The following TENM3 variants were observed in gnomAD, a reference collection of about 807,000 sequenced individuals.
TENM3 encodes the protein teneurin transmembrane protein 3.
A neutral mutation model predicts 255.1 loss-of-function variants in TENM3; 63 were observed. The observed-to-expected ratio is 0.25, with a 90% CI of 0.20 to 0.30. The LOEUF (loss-of-function observed/expected upper bound fraction) is 0.30, where lower values mean the gene tolerates loss of function less well. TENM3 is among the 10% of genes least tolerant of loss of function. TENM3 has a pLI of 1.00. For synonymous variants in TENM3, 1,306 were observed against 1,322.3 expected, an observed-to-expected ratio of 0.99 and a Z score of 0.27; for missense variants, 2,929 against 3,461.1, an observed-to-expected ratio of 0.85 and a Z score of 3.86.
intron 1 of TENM3, among the ~76,000 whole-genome samples, chr4:182,223,440 A>G (rs1034110604): frequency 2.6e-5 from 4 of 152,200 alleles, no homozygotes; most frequent in African/African-American, 9.7e-5. Flanking sequence ...GACAAGAACC[A>G]TTCGGCCTAT....
the TENM3 span, among the ~76,000 whole-genome samples, chr4:181,548,608 C>A: frequency 2.6e-5 from 4 of 152,208 alleles, no homozygotes; most frequent in African/African-American, 9.6e-5. Flanking sequence ...CCTCAGGAAG[C>A]TTTTTGATGA....
At chr4:182,608,724 G>C (rs539472589) in intron 4 of TENM3, among the ~76,000 whole-genome samples, 1 of 152,214 alleles carries the variant, frequency 6.6e-6, no homozygotes. Flanking sequence ...CTAGGACCCA[G>C]CACTGGCTTT....
the TENM3 span, among the ~76,000 whole-genome samples, chr4:181,622,875 A>T: frequency 6.6e-6 from 1 of 152,132 alleles, no homozygotes; most frequent in Non-Finnish European, 1.5e-5. Context: ...TGAAGTCATT[A>T]TGCCTCTAAC....
chr4:181,897,794 C>A, the TENM3 span, among the ~76,000 whole-genome samples: 1 of 152,198 alleles, frequency 6.6e-6, no homozygotes, highest in African/African-American at 2.4e-5. Flanking sequence ...TTAATGTTGG[C>A]ATCTTCTAAT....
At chr4:181,513,817 T>C in the TENM3 span, among the ~76,000 whole-genome samples, 4 of 152,176 alleles carry the variant, frequency 2.6e-5, no homozygotes, top group Admixed American at 2.6e-4. Context: ...TTCATACCGT[T>C]TAAACACATC....
At chr4:181,804,848 G>A in the TENM3 span, among the ~76,000 whole-genome samples, 3 of 151,992 alleles carry the variant, frequency 2.0e-5, no homozygotes, top group African/African-American at 7.3e-5. Context: ...CTGTCTTTCT[G>A]GAGGAAAAAA....
intron 3 of TENM3, among the ~76,000 whole-genome samples, chr4:182,593,584 CATGGAG>C (rs1456448074): frequency 6.6e-6 from 1 of 152,140 alleles, no homozygotes; most frequent in East Asian, 1.9e-4. Context: ...AGCCAGGCCA[CATGGAG>C]ATCCAGGGAA....
intron 22 of TENM3, among the ~76,000 whole-genome samples, chr4:182,757,104 A>G (rs1306146157): frequency 1.3e-5 from 2 of 152,006 alleles, no homozygotes; most frequent in Non-Finnish European, 2.9e-5. Flanking sequence ...CGAGGTCAGG[A>G]GATCAAGACC....
the TENM3 span, among the ~76,000 whole-genome samples, chr4:181,916,818 A>G: frequency 6.6e-6 from 1 of 152,158 alleles, no homozygotes; most frequent in Non-Finnish European, 1.5e-5. Flanking sequence ...CAGAGGTTGC[A>G]GTGGCCGGGA....
the TENM3 span, among the ~76,000 whole-genome samples, chr4:182,132,189 T>G: frequency 7.9e-5 from 12 of 152,162 alleles, no homozygotes; most frequent in Non-Finnish European, 1.8e-4. Flanking sequence ...AATTATAAAA[T>G]GGGTTATAGG....
chr4:181,538,837 A>C, the TENM3 span, among the ~76,000 whole-genome samples: 28,046 of 152,126 alleles, frequency 0.18, 3,535 homozygotes, highest in Admixed American at 0.33. Context: ...TTGAATAATT[A>C]CTTCTTTCTT....
the TENM3 span, among the ~76,000 whole-genome samples, chr4:181,832,082 C>T: frequency 6.7e-5 from 10 of 148,600 alleles, no homozygotes; most frequent in South Asian, 2.2e-3. Flanking sequence ...TTCGGAGGAA[C>T]AATAGGAAGC....
chr4:182,616,212 A>T (rs1473681069), intron 4 of TENM3, among the ~76,000 whole-genome samples: 1 of 152,142 alleles, frequency 6.6e-6, no homozygotes. Flanking sequence ...GTCTTGTTGA[A>T]CTGTTTTCGT....
the TENM3 span, among the ~76,000 whole-genome samples, chr4:181,936,722 C>A: frequency 1.3e-5 from 2 of 151,856 alleles, no homozygotes; most frequent in Admixed American, 6.6e-5. Flanking sequence ...AAACGAAGAG[C>A]AGAGGACCTA....
At chr4:181,992,811 T>C in the TENM3 span, among the ~76,000 whole-genome samples, 1 of 152,150 alleles carries the variant, frequency 6.6e-6, no homozygotes, top group South Asian at 2.1e-4. Context: ...AATGCAAACC[T>C]GTTTTTTAAA....
At position 182,559,266 on chromosome 4, in the gene TENM3, A is replaced by G. The variant is rs570254511; in HGVS notation, c.512-41658A>G. 9.2e-5 allele frequency among the ~76,000 whole-genome samples: 14 copies of G among 152,040 alleles called. No homozygotes were observed. In the East Asian group the frequency reaches 1.9e-3, roughly 21 times the overall value. On this transcript the variant is annotated intron_variant, in intron 3 of 27. Transcript: ENST00000511685. ...ATTAATTAATCCTGAGAACAGTACAATGCTCAGGAGAGAATTATTTGAATT... is the reference window on the plus strand; with the variant it reads ...ATTAATTAATCCTGAGAACAGTACAGTGCTCAGGAGAGAATTATTTGAATT...
At position 182,600,951 on chromosome 4, in the gene TENM3, C is replaced by G. The variant is rs1465147111; in HGVS notation, c.539C>G (p.Ser180Cys). The change falls in exon 4 of 28, where the codon TCT (serine) becomes TGT (cysteine). Residue 180 changes from serine (S) to cysteine (C), a missense_variant. By Grantham distance (112) the Ser-to-Cys change is moderately radical (BLOSUM62 -1). Around this residue, in one of 6 missense-constraint regions of TENM3, gnomAD observed 283 missense variants for 256.9 expected, o/e 1.10. Coordinates refer to ENST00000511685, the MANE Select transcript of TENM3 (RefSeq NM_001080477.4). ...NEQPASNQGQ[S>C]TLQPLPPSHK... ...CAACCTGCAAGCAATCAAGGCCAGT[C>G]TACCCTGCAGCCCTTGCCGCCTTCC... 2 of 1,317,170 alleles carry G rather than the reference C, an allele frequency of 1.5e-6. No homozygotes were observed. Among genetic ancestry groups the G allele is most frequent in the Admixed American group, 2.0e-5 (1 of 49,434 alleles). 81.6% of individuals were successfully genotyped at this position (1,317,170 alleles called of 1,614,324 possible).
chr4:181,853,494 T>C, the TENM3 span, among the ~76,000 whole-genome samples: 1 of 152,168 alleles, frequency 6.6e-6, no homozygotes, highest in African/African-American at 2.4e-5. Flanking sequence ...TCAAAACACG[T>C]TTGTTAATTG....
chr4:182,701,210 C>CTTTTTTATTTTTTTTTTT (rs1757834179), intron 12 of TENM3, among the ~76,000 whole-genome samples: 1 of 38,644 alleles, frequency 2.6e-5, no homozygotes, highest in Non-Finnish European at 4.3e-5. Context: ...CAACTCTTGA[C>CTTTTTTATTTTTTTTTTT]TTTTTTTTTT....
Sources: allele counts gnomAD v4.1 joint callset (sites outside exome capture counted in the v4.1 genomes callset), GRCh38; gene constraint gnomAD v4.1.1; regional missense constraint gnomAD v4.1.1; transcripts MANE v1.5; gene names NCBI Gene and HGNC (gene_info 2026-07-23, HGNC 2026-07-21).